The following PIWIL3 variants were observed in gnomAD, a reference collection of about 807,000 sequenced individuals.
The protein encoded by PIWIL3 is piwi-like protein 3.
A neutral mutation model predicts 109.7 loss-of-function variants in PIWIL3; 101 were observed. That is an observed-to-expected ratio of 0.92 (90% CI 0.78 to 1.09). The LOEUF (loss-of-function observed/expected upper bound fraction) is 1.09. Ranked by LOEUF, PIWIL3 falls within the 50% of genes least tolerant of loss-of-function variation. The probability of loss-of-function intolerance (pLI) is 0.00; values close to 1 mark genes in which losing one functional copy is unlikely to be tolerated. For synonymous variants in PIWIL3, 373 were observed against 376.4 expected, an observed-to-expected ratio of 0.99 and a Z score of 0.10; for missense variants, 1,031 against 1,072.6, an observed-to-expected ratio of 0.96 and a Z score of 0.54.
intron 6 of PIWIL3, among the ~76,000 whole-genome samples, chr22:24,755,567 C>T (rs1483207967): frequency 6.6e-6 from 1 of 152,130 alleles, no homozygotes; most frequent in Non-Finnish European, 1.5e-5. Context: ...AGACAAAGAA[C>T]GGGCATCGGC....
chr22:24,770,885 A>G (rs1025288167), intron 1 of PIWIL3, among the ~76,000 whole-genome samples: 19 of 151,728 alleles, frequency 1.3e-4, no homozygotes, highest in Non-Finnish European at 2.5e-4. Flanking sequence ...AAAATAAACC[A>G]AGCATGAAGA....
At chr22:24,752,562 C>T (rs546377201) in intron 8 of PIWIL3, among the ~76,000 whole-genome samples, 9 of 152,200 alleles carry the variant, frequency 5.9e-5, no homozygotes, top group African/African-American at 1.4e-4. Context: ...GAGATTCATT[C>T]GGAATGCCCC....
chr22:24,726,944 A>T (rs1485945020), intron 16 of PIWIL3, among the ~76,000 whole-genome samples: 1 of 152,218 alleles, frequency 6.6e-6, no homozygotes, highest in African/African-American at 2.4e-5. Flanking sequence ...AACGTATTTC[A>T]AGGTGCAGTG....
At chr22:24,745,439 C>T (rs73391115) in intron 12 of PIWIL3, among the ~76,000 whole-genome samples, 1,606 of 151,956 alleles carry the variant, frequency 0.011, 20 homozygotes, top group African/African-American at 0.035. Flanking sequence ...TGCTGGGACT[C>T]GGGAGACTGA....
chr22:24,761,424 A>T (rs1293192260), intron 2 of PIWIL3, among the ~76,000 whole-genome samples: 1 of 99,488 alleles, frequency 1.0e-5, no homozygotes, highest in Non-Finnish European at 2.3e-5. Context: ...AAAAGTGAAG[A>T]GGCAAGTCTG....
rs551575819 is a variant in PIWIL3, at chr22:24,741,205, A to G, written c.1450-5313T>C. On this transcript the variant is annotated intron_variant, in intron 12 of 20. Coordinates refer to ENST00000616349, the MANE Select transcript of PIWIL3 (RefSeq NM_001255975.1). ...GCAGAAAAAGCATTTGATAAAATCC[A>G]GCATCGCTTTATGATTAAAAACCTC... Among the ~76,000 whole-genome samples the G allele has an allele frequency of 6.6e-5, 10 of 152,356 alleles. No individual in the cohort carries two copies. In the South Asian group the frequency reaches 1.5e-3, roughly 22 times the overall value.
At chr22:24,744,893 G>A (rs774616397) in intron 12 of PIWIL3, among the ~76,000 whole-genome samples, 1 of 152,160 alleles carries the variant, frequency 6.6e-6, no homozygotes, top group Admixed American at 6.6e-5. Flanking sequence ...GAGGGACATC[G>A]TAGTTACAGA....
At chr22:24,752,577 C>G (rs535659781) in intron 8 of PIWIL3, among the ~76,000 whole-genome samples, 1 of 152,170 alleles carries the variant, frequency 6.6e-6, no homozygotes, top group East Asian at 1.9e-4. Context: ...TGCCCCTCCC[C>G]CTGCAAGGGG....
At chr22:24,763,474 T>C (rs1481314896) in intron 1 of PIWIL3, among the ~76,000 whole-genome samples, 1 of 152,078 alleles carries the variant, frequency 6.6e-6, no homozygotes, top group East Asian at 1.9e-4. Context: ...CTAATTTTTG[T>C]ATTTTTAGTA....
intron 1 of PIWIL3, among the ~76,000 whole-genome samples, chr22:24,773,580 C>T (rs141989161): frequency 9.2e-5 from 14 of 152,162 alleles, no homozygotes; most frequent in Non-Finnish European, 1.8e-4. Flanking sequence ...ATAGAAATTC[C>T]GCGGTTTTAT....
At chr22:24,731,523 C>T (rs1406149135) in intron 14 of PIWIL3, among the ~76,000 whole-genome samples, 5 of 151,986 alleles carry the variant, frequency 3.3e-5, no homozygotes, top group African/African-American at 4.8e-5. Flanking sequence ...TGGTGGCGGA[C>T]GCCTGTAGTC....
chr22:24,762,837 T>G (rs575618149), intron 1 of PIWIL3, among the ~76,000 whole-genome samples: 2 of 152,066 alleles, frequency 1.3e-5, no homozygotes, highest in Non-Finnish European at 2.9e-5. Context: ...CCAAACTCAC[T>G]CACCTCCAAG....
chr22:24,770,269 G>A (rs755232064), intron 1 of PIWIL3, among the ~76,000 whole-genome samples: 1 of 152,194 alleles, frequency 6.6e-6, no homozygotes, highest in Non-Finnish European at 1.5e-5. Flanking sequence ...TCAGTATGAC[G>A]ACATCAACTG....
rs764572823 is a variant in PIWIL3 at position 24,755,869 on chromosome 22, T to C, written c.607A>G (p.Ile203Val). 26 of 1,613,890 alleles carry C rather than the reference T, an allele frequency of 1.6e-5. No individual in the cohort carries two copies. Among genetic ancestry groups the C allele is most frequent in the Non-Finnish European group, 1.4e-5 (17 of 1,179,928 alleles). Residue 203 changes from isoleucine (I) to valine (V), a missense_variant, in exon 6 of 21, where the codon ATC (isoleucine) becomes GTC (valine). By Grantham distance (29) the Ile-to-Val change is conservative (BLOSUM62 3). Transcript: ENST00000616349. ...EWLSTTKDKN[I>V]VKITVEFSKE... Reference sequence around the variant, plus strand: ...GAAAACTCAACTGTAATCTTCACGATGTTTTTGTCTTTGGTTGTGCTCAAC... The same window carrying C: ...GAAAACTCAACTGTAATCTTCACGACGTTTTTGTCTTTGGTTGTGCTCAAC...
At chr22:24,738,498 C>T (rs1305978337) in intron 12 of PIWIL3, among the ~76,000 whole-genome samples, 1 of 152,254 alleles carries the variant, frequency 6.6e-6, no homozygotes, top group East Asian at 1.9e-4. Context: ...TTGGTGGTCA[C>T]CGCAGGGATG....
rs183604843 is a variant in PIWIL3 at position 24,720,444 on chromosome 22, T to A, written c.2358-549A>T. Among the ~76,000 whole-genome samples the A allele has an allele frequency of 5.7e-3, 868 of 151,864 alleles. 9 individuals are homozygous for A. The highest frequency in any genetic ancestry group is 0.02 in the African/African-American group (818 of 41,402). ...CCACCACCACACCCGGCTAATTTTTTATATTTTTAGTAGAGATGGGGTTTC... is the reference window on the plus strand; with the variant it reads ...CCACCACCACACCCGGCTAATTTTTAATATTTTTAGTAGAGATGGGGTTTC... On this transcript the variant is annotated intron_variant, in intron 19 of 20. Transcript: ENST00000616349.
At chr22:24,772,884 T>C (rs1926206266) in intron 1 of PIWIL3, among the ~76,000 whole-genome samples, 1 of 152,144 alleles carries the variant, frequency 6.6e-6, no homozygotes, top group Non-Finnish European at 1.5e-5. Context: ...TCAGATGAGG[T>C]ACCTTAACAG....
Position 24,749,802 on chromosome 22 carries a change from G to C in PIWIL3, c.1107C>G (p.Val369=), listed in dbSNP as rs1232159415. ...CCAAAAGTGGCTGTTTCTTCACTGT[G>C]ACAATTTCTTTATGTTGCTGCTCAA... is the stretch of plus-strand genomic sequence containing the variant. The part of the protein sequence containing the change: ...DYYRQQHKEI[V]TVKKQPLLVS... Residue 369 remains valine (V), a synonymous_variant, in exon 10 of 21, where the codon GTC becomes GTG. Transcript: ENST00000616349. 5 of 1,613,784 alleles carry C rather than the reference G, an allele frequency of 3.1e-6. No individual in the cohort carries two copies. The African/African-American group carries it at 5.3e-5, about 17-fold the overall frequency.
chr22:24,754,746 A>G, intron 7 of PIWIL3, 38 bp downstream of exon 7: 7 of 1,470,480 alleles, frequency 4.8e-6, no homozygotes, highest in Non-Finnish European at 5.7e-6. Flanking sequence ...TCCTACGTTT[A>G]AGTCTGCAGA....
Sources: gnomAD v4.1 joint callset for allele counts (sites outside exome capture counted in the v4.1 genomes callset) on GRCh38, gnomAD v4.1.1 for gene constraint, MANE v1.5 for transcripts, NCBI Gene and HGNC (gene_info 2026-07-23, HGNC 2026-07-21) for gene names.